The following GAD2 variants were observed in gnomAD, a reference collection of about 807,000 sequenced individuals.
GAD2 encodes the protein 65 kDa glutamic acid decarboxylase.
A neutral mutation model predicts 80.1 loss-of-function variants in GAD2; 22 were observed. The ratio of observed to expected loss-of-function variants is 0.27; its 90% CI spans 0.20 to 0.39. The LOEUF (loss-of-function observed/expected upper bound fraction) is 0.39, where lower values mean the gene tolerates loss of function less well. GAD2 is among the 10% of genes least tolerant of loss of function. The pLI is 1.00. For synonymous variants in GAD2, 274 were observed against 256.9 expected (o/e 1.07, Z -0.64); for missense variants, 624 against 738.4 (o/e 0.85, Z 1.80).
intron 15 of GAD2, among the ~76,000 whole-genome samples, chr10:26,299,438 G>T (rs1158604371): frequency 6.6e-6 from 1 of 152,172 alleles, no homozygotes. Flanking sequence ...TTGCAGAAAT[G>T]AAGATCAGAT....
chr10:26,226,870 T>C (rs1002500168), intron 6 of GAD2, among the ~76,000 whole-genome samples: 3 of 152,236 alleles, frequency 2.0e-5, no homozygotes, highest in Non-Finnish European at 2.9e-5. Context: ...TCCTTACTGC[T>C]CAGCAGGTCA....
chr10:26,240,935 C>G (rs532829752), intron 7 of GAD2, among the ~76,000 whole-genome samples: 1 of 150,852 alleles, frequency 6.6e-6, no homozygotes, highest in African/African-American at 2.4e-5. Context: ...CCAGCTACTC[C>G]GGAGGCTGAG....
intron 15 of GAD2, among the ~76,000 whole-genome samples, chr10:26,295,334 A>G (rs556399043): frequency 1.3e-5 from 2 of 152,300 alleles, no homozygotes; most frequent in South Asian, 2.1e-4. Flanking sequence ...TATTACTGTA[A>G]TCAAGAGAAT....
chr10:26,221,998 G>A (rs1213862728), intron 4 of GAD2, among the ~76,000 whole-genome samples: 3 of 152,186 alleles, frequency 2.0e-5, no homozygotes, highest in Admixed American at 6.5e-5. Context: ...GGGAGCAAAT[G>A]TCACTAGGGG....
At chr10:26,218,972 C>T (rs1844420025) in intron 3 of GAD2, 71 bp from the exon 4 acceptor site, 1 of 1,110,188 alleles carries the variant, frequency 9.0e-7, no homozygotes, top group Middle Eastern at 2.1e-4. Context: ...AATGTTATTG[C>T]CTCATCAAGA....
At chr10:26,219,465 G>A (rs1251692657) in intron 4 of GAD2, 189 bp downstream of exon 4, 1 of 516,972 alleles carries the variant, frequency 1.9e-6, no homozygotes, top group Non-Finnish European at 3.4e-6. Context: ...TATTGTTCAT[G>A]CTTCTGAAGT....
At chr10:26,278,112 C>T (rs1445622144) in intron 11 of GAD2, among the ~76,000 whole-genome samples, 1 of 152,122 alleles carries the variant, frequency 6.6e-6, no homozygotes, top group Non-Finnish European at 1.5e-5. Context: ...AATTCAGTGA[C>T]AGGTAGTTGG....
intron 8 of GAD2, among the ~76,000 whole-genome samples, chr10:26,254,250 TG>T (rs1844917850): frequency 1.3e-5 from 2 of 152,200 alleles, no homozygotes; most frequent in African/African-American, 4.8e-5. Context: ...TTGGCTAGGC[TG>T]GTCTTGAACT....
At chr10:26,219,663 C>T (rs1046190088) in intron 4 of GAD2, among the ~76,000 whole-genome samples, 1 of 152,142 alleles carries the variant, frequency 6.6e-6, no homozygotes, top group African/African-American at 2.4e-5. Context: ...AACAAAAGCC[C>T]GAATACCAGT....
At chr10:26,256,685 T>C (rs1018252767) in intron 8 of GAD2, among the ~76,000 whole-genome samples, 3 of 152,206 alleles carry the variant, frequency 2.0e-5, no homozygotes, top group African/African-American at 7.2e-5. Context: ...TTTCAGGAGG[T>C]GAAGTTTGGC....
intron 4 of GAD2, among the ~76,000 whole-genome samples, chr10:26,223,524 A>G (rs1844479794): frequency 6.6e-6 from 1 of 152,218 alleles, no homozygotes; most frequent in Admixed American, 6.5e-5. Flanking sequence ...TTGCAGTAGC[A>G]TTTTAGCTTG....
At chr10:26,242,111 G>T (rs1394571247) in intron 7 of GAD2, among the ~76,000 whole-genome samples, 1 of 149,982 alleles carries the variant, frequency 6.7e-6, no homozygotes, top group African/African-American at 2.5e-5. Context: ...TCAGCCTCCG[G>T]AGTAGCTGGG....
intron 11 of GAD2, among the ~76,000 whole-genome samples, chr10:26,277,610 A>C (rs938692043): frequency 6.6e-6 from 1 of 152,212 alleles, no homozygotes; most frequent in Non-Finnish European, 1.5e-5. Context: ...GGTGCAGGAC[A>C]GGAAAGAAGC....
intron 8 of GAD2, among the ~76,000 whole-genome samples, chr10:26,261,214 T>C (rs7893400): frequency 0.22 from 33,980 of 152,104 alleles, 4,166 homozygotes; most frequent in African/African-American, 0.31. Context: ...AATTACTTAT[T>C]TTTTACCTTT....
At chr10:26,256,741 T>C (rs1844947612) in intron 8 of GAD2, among the ~76,000 whole-genome samples, 1 of 152,236 alleles carries the variant, frequency 6.6e-6, no homozygotes, top group African/African-American at 2.4e-5. Context: ...TTATCAGTAA[T>C]ATCAACTTTG....
At chr10:26,242,017 G>A (rs959750295) in intron 7 of GAD2, among the ~76,000 whole-genome samples, 3 of 152,112 alleles carry the variant, frequency 2.0e-5, no homozygotes, top group African/African-American at 7.2e-5. Flanking sequence ...GTCTCACTCT[G>A]TTGCCCAGGC....
chr10:26,241,517 A>G (rs1409777512), intron 7 of GAD2, among the ~76,000 whole-genome samples: 1 of 150,130 alleles, frequency 6.7e-6, no homozygotes, highest in African/African-American at 2.5e-5. Context: ...AAGGCCACCC[A>G]TGTCACATAT....
At chr10:26,225,548 G>A (rs1415833578) in intron 6 of GAD2, among the ~76,000 whole-genome samples, 4 of 152,116 alleles carry the variant, frequency 2.6e-5, no homozygotes, top group Non-Finnish European at 4.4e-5. Flanking sequence ...AACACCTGTC[G>A]TTGTGTCAGA....
At chr10:26,280,783 C>T (rs1208814303) in intron 11 of GAD2, among the ~76,000 whole-genome samples, 1 of 152,092 alleles carries the variant, frequency 6.6e-6, no homozygotes, top group African/African-American at 2.4e-5. Context: ...TATTTGGGTG[C>T]TGGGTACACC....
Sources: gnomAD v4.1 joint callset for allele counts (sites outside exome capture counted in the v4.1 genomes callset) on GRCh38, gnomAD v4.1.1 for gene constraint, MANE v1.5 for transcripts, NCBI Gene and HGNC (gene_info 2026-07-23, HGNC 2026-07-21) for gene names.